SEPTIN7: variants seen among roughly 807,000 people sequenced by gnomAD.
SEPTIN7 encodes the protein septin 7.
In SEPTIN7, 10 loss-of-function variants were observed where a neutral mutation model predicts 63.3. The observed-to-expected ratio is 0.16, with a 90% CI of 0.10 to 0.27. The LOEUF is 0.27. SEPTIN7 is among the 10% of genes least tolerant of loss of function. The pLI, the probability that SEPTIN7 is intolerant of heterozygous loss-of-function variation, is 1.00. For synonymous variants in SEPTIN7, 131 were observed against 165.3 expected, an observed-to-expected ratio of 0.79 and a Z score of 1.59; for missense variants, 310 against 521.0, an observed-to-expected ratio of 0.59 and a Z score of 3.94.
intron 11 of SEPTIN7, among the ~76,000 whole-genome samples, chr7:35,897,264 A>G (rs1420573840): frequency 6.6e-6 from 1 of 152,234 alleles, no homozygotes; most frequent in African/African-American, 2.4e-5. Flanking sequence ...ACAAAGCCAA[A>G]GAAGGACCTA....
chr7:35,826,308 GGTT>G (rs952455661), intron 1 of SEPTIN7, among the ~76,000 whole-genome samples: 2 of 151,244 alleles, frequency 1.3e-5, no homozygotes, highest in African/African-American at 4.8e-5. Context: ...TGTAGTCTGT[GGTT>G]GTTTTTCATA....
intron 3 of SEPTIN7, among the ~76,000 whole-genome samples, chr7:35,838,303 TCCCTCCCTCCCTCCCTCCCTCCC>T (rs1784204382): frequency 1.5e-3 from 2 of 1,318 alleles, no homozygotes; most frequent in Non-Finnish European, 2.6e-3. Context: ...CTTCCTTCCT[TCCCTCCCTCCCTCCCTCCCTCCC>T]TCCCTCCCTC....
chr7:35,802,235 C>A, intron 1 of SEPTIN7: 1 of 349,264 alleles, frequency 2.9e-6, no homozygotes, highest in Non-Finnish European at 5.9e-6. Flanking sequence ...ATTTCATTTA[C>A]ATTTTCCACT....
intron 11 of SEPTIN7, among the ~76,000 whole-genome samples, chr7:35,894,185 G>GATC (rs1787824581): frequency 8.6e-6 from 1 of 116,436 alleles, no homozygotes; most frequent in Admixed American, 9.0e-5. Flanking sequence ...CTTTTTCCTT[G>GATC]ATCTTCCTTG....
intron 3 of SEPTIN7, among the ~76,000 whole-genome samples, chr7:35,843,002 C>T (rs1784485010): frequency 6.6e-6 from 1 of 151,994 alleles, no homozygotes. Context: ...AATTTCATTC[C>T]ATCACTGTAG....
At chr7:35,846,501 CTT>C (rs1423497879) in intron 3 of SEPTIN7, among the ~76,000 whole-genome samples, 1 of 152,154 alleles carries the variant, frequency 6.6e-6, no homozygotes, top group African/African-American at 2.4e-5. Context: ...GTGGAAATCT[CTT>C]TTATTTTCCT....
At chr7:35,834,400 A>G (rs962924025) in intron 3 of SEPTIN7, among the ~76,000 whole-genome samples, 2 of 152,034 alleles carry the variant, frequency 1.3e-5, no homozygotes, top group African/African-American at 4.8e-5. Context: ...AATGAAAAAA[A>G]TCAAATAATC....
downstream of SEPTIN7, among the ~76,000 whole-genome samples, chr7:35,908,728 C>T (rs1488512968): frequency 2.0e-5 from 3 of 152,142 alleles, no homozygotes; most frequent in Admixed American, 1.3e-4. Flanking sequence ...CGCTTAGCTC[C>T]CTTTTGTCCA....
chr7:35,892,267 T>C (rs187042644), intron 11 of SEPTIN7, among the ~76,000 whole-genome samples: 122 of 152,298 alleles, frequency 8.0e-4, no homozygotes, highest in African/African-American at 2.7e-3. Context: ...AAATGTCCCT[T>C]CTTAAATATT....
intron 4 of SEPTIN7, among the ~76,000 whole-genome samples, chr7:35,866,313 A>G (rs1418607989): frequency 1.3e-5 from 2 of 152,218 alleles, no homozygotes; most frequent in East Asian, 1.9e-4. Context: ...TCTTTTTGAT[A>G]GTTGGCTGGC....
intron 3 of SEPTIN7, among the ~76,000 whole-genome samples, chr7:35,844,834 T>C (rs1255892731): frequency 6.6e-6 from 1 of 152,116 alleles, no homozygotes; most frequent in Non-Finnish European, 1.5e-5. Context: ...AACTCCTGAC[T>C]ACAAGTGATC....
At chr7:35,855,935 C>G (rs1785181890) in intron 3 of SEPTIN7, among the ~76,000 whole-genome samples, 1 of 152,102 alleles carries the variant, frequency 6.6e-6, no homozygotes, top group Non-Finnish European at 1.5e-5. Flanking sequence ...TAATGTGGAA[C>G]TTGCTAACTT....
chr7:35,838,689 T>C (rs1280225117), intron 3 of SEPTIN7: 1 of 151,996 alleles, frequency 6.6e-6, no homozygotes, highest in Non-Finnish European at 1.5e-5. Flanking sequence ...CTCAGTCTTT[T>C]TCTTTGTGGT....
intron 1 of SEPTIN7, among the ~76,000 whole-genome samples, chr7:35,826,194 T>A (rs1783505522): frequency 6.6e-6 from 1 of 151,962 alleles, no homozygotes; most frequent in Non-Finnish European, 1.5e-5. Context: ...TGGTAGGAAT[T>A]TGACTAAGCA....
chr7:35,892,077 T>C (rs1787684071), intron 11 of SEPTIN7, among the ~76,000 whole-genome samples: 1 of 152,194 alleles, frequency 6.6e-6, no homozygotes, highest in African/African-American at 2.4e-5. Flanking sequence ...TACTGAAATG[T>C]CATTATGCAG....
chr7:35,801,110 G>A lies in SEPTIN7; in HGVS notation c.-100G>A, dbSNP rs562313112. ...GCCTGCTGTAGCGTGCGTAAGCAAGGCAGCTACGCCGGGCGGCTACGCTGC... is the reference window on the plus strand; with the variant it reads ...GCCTGCTGTAGCGTGCGTAAGCAAGACAGCTACGCCGGGCGGCTACGCTGC... On this transcript the variant is annotated 5_prime_UTR_variant, in exon 1 of 14. Transcript: ENST00000350320. 7.3e-6 allele frequency: 7 copies of A among 956,428 alleles called. No individual in the cohort carries two copies. The highest frequency in any genetic ancestry group is 3.3e-5 in the East Asian group (1 of 30,348). The allele number at this position is 956,428 out of a possible 1,614,324, so 59.2% of individuals were successfully genotyped here.
In SEPTIN7 at chr7:35,877,289, G is replaced by A. The variant is rs118165278; in HGVS notation, c.513-2534G>A. 1.5e-3 allele frequency among the ~76,000 whole-genome samples: 224 copies of A among 152,200 alleles called. 5 individuals are homozygous for A. The East Asian group carries it at 0.039, about 27-fold the overall frequency. ...ATTTAAGACAAGGAGAATTAGAATA[G>A]GAGGCAGCTATCTTAATTCTCCATG... is the stretch of plus-strand genomic sequence containing the variant. On this transcript the variant is annotated intron_variant, in intron 6 of 13. Coordinates refer to ENST00000350320, the MANE Select transcript of SEPTIN7 (RefSeq NM_001788.6).
At chr7:35,884,549 T>A (rs1291871348) in intron 9 of SEPTIN7, among the ~76,000 whole-genome samples, 2 of 152,070 alleles carry the variant, frequency 1.3e-5, no homozygotes, top group Non-Finnish European at 2.9e-5. Flanking sequence ...GGGCCCAAAG[T>A]TTGCTCCCAG....
chr7:35,861,718 A>G (rs527537209), intron 3 of SEPTIN7, among the ~76,000 whole-genome samples: 37 of 152,200 alleles, frequency 2.4e-4, no homozygotes, highest in African/African-American at 6.3e-4. Flanking sequence ...CTCTCACCCA[A>G]TGAGGTCCCA....
Sources: allele counts gnomAD v4.1 joint callset (sites outside exome capture counted in the v4.1 genomes callset), GRCh38; gene constraint gnomAD v4.1.1; transcripts MANE v1.5; gene names NCBI Gene and HGNC (gene_info 2026-07-23, HGNC 2026-07-21).